Variants in CORO2B observed in about 807,000 individuals in gnomAD.
CORO2B encodes coronin-2B.
A neutral mutation model predicts 58.8 loss-of-function variants in CORO2B; 26 were observed. That is an observed-to-expected ratio of 0.44 (90% CI 0.32 to 0.61). The LOEUF is 0.61. CORO2B is among the 20% of genes least tolerant of loss of function. CORO2B has a pLI of 0.04. For synonymous variants in CORO2B, 242 were observed against 253.8 expected, an observed-to-expected ratio of 0.95 and a Z score of 0.44; for missense variants, 460 against 645.1, an observed-to-expected ratio of 0.71 and a Z score of 3.11.
At position 68,645,877 on chromosome 15, in the gene CORO2B, G is replaced by T. The variant is rs1001532915; in HGVS notation, c.216+517G>T. On this transcript the variant is annotated intron_variant, in intron 2 of 11. Transcript: ENST00000261861. The surrounding 1 kb of genome is among the most constrained non-coding windows in gnomAD (Gnocchi z 4.5). The stretch of plus-strand genomic sequence containing the variant: ...CAACCTCTGCCTCCCAGGTTCAAGC[G>T]ATTCTCCTGCCTCAGCCTCCCGAGA... 1.3e-5 allele frequency among the ~76,000 whole-genome samples: 2 copies of T among 151,978 alleles called. No homozygotes were observed. Among genetic ancestry groups the T allele is most frequent in the Admixed American group, 6.6e-5 (1 of 15,262 alleles).
chr15:68,525,218 A>C, the CORO2B span, among the ~76,000 whole-genome samples: 1 of 152,250 alleles, frequency 6.6e-6, no homozygotes, highest in Non-Finnish European at 1.5e-5. Context: ...AATGACAGGC[A>C]TGTAAATTGA....
At chr15:68,531,456 C>T in the CORO2B span, among the ~76,000 whole-genome samples, 13 of 150,998 alleles carry the variant, frequency 8.6e-5, no homozygotes, top group African/African-American at 2.7e-4. Context: ...GAGATCATGC[C>T]GCTGCACTCC....
intron 1 of CORO2B, among the ~76,000 whole-genome samples, chr15:68,619,633 T>G (rs1488142049): frequency 1.3e-5 from 2 of 151,954 alleles, no homozygotes; most frequent in Non-Finnish European, 2.9e-5. Flanking sequence ...TGAATAAACA[T>G]GGTTGGGTGT....
At chr15:68,600,472 C>T (rs1899953114) in intron 1 of CORO2B, among the ~76,000 whole-genome samples, 1 of 152,192 alleles carries the variant, frequency 6.6e-6, no homozygotes, top group South Asian at 2.1e-4. Context: ...CGCTGCCCTC[C>T]TCTCTGGGGT....
At chr15:68,572,278 T>C in the CORO2B span, among the ~76,000 whole-genome samples, 8 of 152,176 alleles carry the variant, frequency 5.3e-5, no homozygotes, top group South Asian at 2.1e-4. Context: ...TAAATCTGCA[T>C]AGGATTTTAA....
intron 2 of CORO2B, among the ~76,000 whole-genome samples, chr15:68,647,890 A>G (rs1418701933): frequency 2.0e-5 from 3 of 151,108 alleles, no homozygotes; most frequent in East Asian, 3.9e-4. Context: ...TTAGCCGAGC[A>G]TGATGGCTTG....
At chr15:68,693,651 G>A (rs980647295) in intron 2 of CORO2B, among the ~76,000 whole-genome samples, 2 of 151,996 alleles carry the variant, frequency 1.3e-5, no homozygotes, top group African/African-American at 4.8e-5. Context: ...ACCCATCCAC[G>A]CCCCTTGTTC....
In CORO2B at chr15:68,726,451, G is replaced by A. The variant is rs182807562; in HGVS notation, c.*477G>A. 12 of 169,428 alleles carry A rather than the reference G, an allele frequency of 7.1e-5. No homozygotes were observed. Among genetic ancestry groups the A allele is most frequent in the Admixed American group, 1.9e-4 (3 of 15,544 alleles). 10.5% of individuals were successfully genotyped at this position (169,428 alleles called of 1,614,324 possible). On this transcript the variant is annotated 3_prime_UTR_variant, in exon 12 of 12. Transcript: ENST00000261861. Reference sequence around the variant, plus strand: ...TGCAGGCTGCAGTGATCCCTCTTTCGTCCCACCCCCTCTTCCCTCAGCAGC... The same window carrying A: ...TGCAGGCTGCAGTGATCCCTCTTTCATCCCACCCCCTCTTCCCTCAGCAGC...
intron 1 of CORO2B, among the ~76,000 whole-genome samples, chr15:68,586,723 T>G (rs982913447): frequency 6.6e-6 from 1 of 151,986 alleles, no homozygotes; most frequent in Non-Finnish European, 1.5e-5. Flanking sequence ...TCCCGCTGCC[T>G]GCTGCTTGGT....
the CORO2B span, among the ~76,000 whole-genome samples, chr15:68,540,794 CAGAG>C: frequency 1.1e-4 from 17 of 152,120 alleles, no homozygotes; most frequent in African/African-American, 1.7e-4. Flanking sequence ...AACACACACA[CAGAG>C]AGTCAGTGAC....
chr15:68,597,193 G>A (rs1330277909), intron 1 of CORO2B, among the ~76,000 whole-genome samples: 1 of 152,150 alleles, frequency 6.6e-6, no homozygotes, highest in Non-Finnish European at 1.5e-5. Flanking sequence ...ACAGAGAGAG[G>A]TGGCTTTGCT....
chr15:68,660,829 A>G (rs548222927), intron 2 of CORO2B, among the ~76,000 whole-genome samples: 1 of 152,304 alleles, frequency 6.6e-6, no homozygotes, highest in Admixed American at 6.5e-5. Context: ...CTCAGGCTTG[A>G]TGGCTTTCAC....
intron 2 of CORO2B, among the ~76,000 whole-genome samples, chr15:68,678,860 G>C (rs1002013403): frequency 6.6e-6 from 1 of 152,194 alleles, no homozygotes; most frequent in Non-Finnish European, 1.5e-5. Flanking sequence ...GGAAGAACTA[G>C]AGTAGAAAAT....
Position 68,719,248 on chromosome 15 carries a change from G to T in CORO2B, c.1171+14G>T. On this transcript the variant is annotated intron_variant, in intron 10 of 11. Coordinates refer to ENST00000261861, the MANE Select transcript of CORO2B (RefSeq NM_006091.5). ...GCATCAACCGAGGTACCACAGCGGG[G>T]GGCTCCACAGAGCACAGGCGGCTGC... 6.2e-7 allele frequency: 1 copy of T among 1,612,710 alleles called. No individual in the cohort carries two copies. The highest frequency in any genetic ancestry group is 2.2e-5 in the East Asian group (1 of 44,882).
intron 7 of CORO2B, 58 bp downstream of exon 7, chr15:68,714,721 C>G (rs1001027462): frequency 1.3e-5 from 17 of 1,263,992 alleles, no homozygotes; most frequent in Non-Finnish European, 1.7e-5. Context: ...ACCCTCAATG[C>G]ACCCCTGCAC....
intron 2 of CORO2B, among the ~76,000 whole-genome samples, chr15:68,689,797 A>C (rs1221863662): frequency 6.6e-6 from 1 of 152,206 alleles, no homozygotes; most frequent in Admixed American, 6.5e-5. Flanking sequence ...TTTGTTCTTT[A>C]ATTTTTATGT....
chr15:68,680,251 G>A (rs1289617632), intron 2 of CORO2B, among the ~76,000 whole-genome samples: 1 of 151,994 alleles, frequency 6.6e-6, no homozygotes, highest in Admixed American at 6.6e-5. Flanking sequence ...GACTGGCATT[G>A]TGTTTGAGAC....
intron 1 of CORO2B, among the ~76,000 whole-genome samples, chr15:68,590,485 G>A (rs750559705): frequency 1.8e-4 from 27 of 152,076 alleles, no homozygotes; most frequent in Non-Finnish European, 2.5e-4. Flanking sequence ...AGCAGGAAGG[G>A]GCAAACTGGG....
At chr15:68,600,609 G>A (rs963172010) in intron 1 of CORO2B, among the ~76,000 whole-genome samples, 1 of 152,168 alleles carries the variant, frequency 6.6e-6, no homozygotes, top group African/African-American at 2.4e-5. Context: ...GTGGCTTTTG[G>A]GGCCTTCAGA....
Sources: gnomAD v4.1 joint callset for allele counts (sites outside exome capture counted in the v4.1 genomes callset) on GRCh38, gnomAD v4.1.1 for gene constraint, Gnocchi (gnomAD v3.1) non-coding constraint, MANE v1.5 for transcripts, NCBI Gene and HGNC (gene_info 2026-07-23, HGNC 2026-07-21) for gene names.